PIGB: variants seen among roughly 807,000 people sequenced by gnomAD.
The protein encoded by PIGB is phosphatidylinositol glycan anchor biosynthesis class B.
A neutral mutation model predicts 68.4 loss-of-function variants in PIGB; 58 were observed. That is an observed-to-expected ratio of 0.85 (90% CI 0.69 to 1.06). PIGB has a LOEUF of 1.06. PIGB is among the 50% of genes least tolerant of loss of function. PIGB has a pLI of 0.00. For missense variants in PIGB, 634 were observed against 655.8 expected, an observed-to-expected ratio of 0.97 and a Z score of 0.36; for synonymous variants, 219 against 220.5, an observed-to-expected ratio of 0.99 and a Z score of 0.06.
chr15:55,332,931 A>G (rs1172008417), intron 5 of PIGB, among the ~76,000 whole-genome samples: 2 of 152,186 alleles, frequency 1.3e-5, no homozygotes, highest in Non-Finnish European at 2.9e-5. Context: ...TTGTATGCAT[A>G]TATATTTCAC....
At chr15:55,336,035 T>G (rs1481879423) in intron 6 of PIGB, among the ~76,000 whole-genome samples, 2 of 151,676 alleles carry the variant, frequency 1.3e-5, no homozygotes, top group Non-Finnish European at 2.9e-5. Context: ...TCAAAGTCTG[T>G]GGGGGAAAAA....
At chr15:55,328,004 C>A (rs1350077668) in intron 4 of PIGB, among the ~76,000 whole-genome samples, 1 of 152,204 alleles carries the variant, frequency 6.6e-6, no homozygotes, top group East Asian at 1.9e-4. Flanking sequence ...AACCCTTGTT[C>A]TGTTCCTCTA....
In PIGB at chr15:55,319,264, T is replaced by A; in HGVS notation, c.14T>A (p.Leu5Gln). 6.2e-7 allele frequency: 1 copy of A among 1,607,100 alleles called. No individual in the cohort carries two copies. The highest frequency in any genetic ancestry group is 1.7e-5 in the Admixed American group (1 of 59,048). The change falls in exon 1 of 12, where the codon CTA becomes CAA. Residue 5 changes from leucine (L) to glutamine (Q), a missense_variant. Coordinates refer to ENST00000164305, the MANE Select transcript of PIGB (RefSeq NM_004855.5). Reference protein sequence around the residue: MRRPLSKCGMEPGGG... With the variant: MRRPQSKCGMEPGGG... ...TGGCGGCCAGGGATGAGGAGGCCCC[T>A]AAGCAAGTGCGGAATGGAGCCGGGG...
At chr15:55,346,241 T>C (rs958918225) in intron 9 of PIGB, 4 of 152,232 alleles carry the variant, frequency 2.6e-5, no homozygotes, top group African/African-American at 9.6e-5. Flanking sequence ...TCATGAAGTA[T>C]CTTCTTATAT....
chr15:55,339,143 G>T, intron 6 of PIGB, 124 bp from the exon 7 acceptor site: 2 of 677,260 alleles, frequency 3.0e-6, no homozygotes, highest in Non-Finnish European at 5.2e-6. Context: ...TCTATATTCA[G>T]TTGGTGAAAC....
intron 10 of PIGB, among the ~76,000 whole-genome samples, chr15:55,352,734 G>A (rs745676381): frequency 2.2e-4 from 33 of 152,142 alleles, no homozygotes; most frequent in Non-Finnish European, 3.7e-4. Context: ...TCCAACCTGG[G>A]CGACAGAGCG....
intron 1 of PIGB, 74 bp downstream of exon 1, chr15:55,319,487 A>G: frequency 1.7e-6 from 2 of 1,189,930 alleles, no homozygotes; most frequent in East Asian, 5.5e-5. Flanking sequence ...ATTACCAGCC[A>G]GTTGCCCGTT....
chr15:55,325,081 C>G (rs2055249972), intron 3 of PIGB, among the ~76,000 whole-genome samples: 1 of 152,064 alleles, frequency 6.6e-6, no homozygotes. Context: ...AATCCCAGCA[C>G]TTTGGGAGGG....
At chr15:55,355,189 T>C (rs2056049277) in intron 11 of PIGB, 97 bp from the exon 12 acceptor site, 6 of 1,034,214 alleles carry the variant, frequency 5.8e-6, no homozygotes, top group East Asian at 2.5e-5. Flanking sequence ...AAGCAAAAAG[T>C]TGTAGACAGC....
At position 55,327,176 on chromosome 15, in the gene PIGB, C is replaced by T. The variant is rs572924962; in HGVS notation, c.418-355C>T. ...TGTGTATATATGTCATATATATGCA[C>T]ACATACAGAGAATGAGACTGGTAAA... On this transcript the variant is annotated intron_variant, in intron 3 of 11. Transcript: ENST00000164305. Among the ~76,000 whole-genome samples, 149 of 147,380 alleles carry T rather than the reference C, an allele frequency of 1.0e-3. 1 individual carries two copies. The highest frequency in any genetic ancestry group is 2.3e-3 in the South Asian group (11 of 4,738).
At chr15:55,335,935 TA>T (rs1206928733) in intron 6 of PIGB, among the ~76,000 whole-genome samples, 1 of 152,196 alleles carries the variant, frequency 6.6e-6, no homozygotes, top group East Asian at 1.9e-4. Context: ...AGCATGATAA[TA>T]ACTTATTCAT....
Position 55,340,617 on chromosome 15 carries a change from T to G in PIGB, c.852T>G (p.Thr284=). Residue 284 remains threonine (T), a synonymous_variant, in exon 8 of 12, where the codon ACT becomes ACG. Coordinates refer to ENST00000164305, the MANE Select transcript of PIGB (RefSeq NM_004855.5). The stretch of plus-strand genomic sequence containing the variant: ...TTTTCCTTCAACGGTGCCAGTGGAC[T>G]CTGGTTCAATTTAATTTTTTGAAAT... ...MIDRIFFGQW[T]LVQFNFLKFN... 2 of 1,607,676 alleles carry G rather than the reference T, an allele frequency of 1.2e-6. No individual in the cohort carries two copies. The highest frequency in any genetic ancestry group is 1.7e-6 in the Non-Finnish European group (2 of 1,176,322).
In PIGB at chr15:55,340,730, C is replaced by T. The variant is rs766545229; in HGVS notation, c.965C>T (p.Thr322Ile). ...CAAGGATTTCCAGTTATCTTGGGTA[C>T]TCACTTACCCTTCTTTATTCATGGC... ...FSQGFPVILG[T>I]HLPFFIHGCY... is the part of the protein sequence containing the mutation. Residue 322 changes from threonine to isoleucine, a missense_variant, in exon 8 of 12, where the codon ACT becomes ATT. Physicochemically the swap from Thr to Ile is moderately conservative, Grantham distance 89. Coordinates refer to ENST00000164305, the MANE Select transcript of PIGB (RefSeq NM_004855.5). 1.2e-6 allele frequency: 2 copies of T among 1,610,028 alleles called. No homozygotes were observed. The highest frequency in any genetic ancestry group is 1.7e-6 in the Non-Finnish European group (2 of 1,177,424).
rs538997859 is a variant in PIGB, at chr15:55,334,045, C to G, written c.794+38C>G. On this transcript the variant is annotated intron_variant, in intron 6 of 11. Transcript: ENST00000164305. ...ATAATCCATCCATTTATTTTAGTAG[C>G]CTACAAATCACAGATTACGAACAAG... 188 of 1,442,572 alleles carry G rather than the reference C, an allele frequency of 1.3e-4. 1 individual carries two copies. In the South Asian group the frequency reaches 2.5e-3, roughly 19 times the overall value. 89.4% of individuals were successfully genotyped at this position (1,442,572 alleles called of 1,614,324 possible).
At chr15:55,343,641 C>T (rs1487087175) in intron 9 of PIGB, 1 of 151,748 alleles carries the variant, frequency 6.6e-6, no homozygotes, top group Non-Finnish European at 1.5e-5. Flanking sequence ...AGGGCCTATT[C>T]ACAGTTTATT....
intron 5 of PIGB, among the ~76,000 whole-genome samples, chr15:55,331,089 C>A (rs889496547): frequency 5.3e-5 from 8 of 152,176 alleles, no homozygotes; most frequent in Admixed American, 1.3e-4. Context: ...TGAATCCTGC[C>A]TTAGTCTTCC....
rs1268818194 is a variant in PIGB at position 55,319,394 on chromosome 15, G to A, written c.144G>A (p.Lys48=). The change falls in exon 1 of 12, where the codon AAG becomes AAA. Residue 48 remains lysine, a synonymous_variant. Transcript: ENST00000164305. The part of the protein sequence containing the change: ...KSTLYFNTQE[K]SARRRGDLLG... ...CCTTGTACTTCAACACCCAGGAGAAGAGCGCCAGGCGCCGCGGGGGTGAGT... is the reference window on the plus strand; with the variant it reads ...CCTTGTACTTCAACACCCAGGAGAAAAGCGCCAGGCGCCGCGGGGGTGAGT... The A allele has an allele frequency of 4.5e-6, 7 of 1,552,278 alleles. No homozygotes were observed. The African/African-American group carries it at 8.2e-5, about 18-fold the overall frequency.
chr15:55,348,009 AGAC>A (rs1314693694), intron 9 of PIGB, among the ~76,000 whole-genome samples: 3 of 61,738 alleles, frequency 4.9e-5, no homozygotes, highest in Non-Finnish European at 6.1e-5. Context: ...TTTTTTTTTG[AGAC>A]GACATCTCGC....
At chr15:55,354,707 AC>A (rs1397094583) in intron 10 of PIGB, 90 bp from the exon 11 acceptor site, 4 of 958,918 alleles carry the variant, frequency 4.2e-6, no homozygotes, top group African/African-American at 3.4e-5. Context: ...TTCAGATTTC[AC>A]ATTTTGCTAA....
Sources: gnomAD v4.1 joint callset for allele counts (sites outside exome capture counted in the v4.1 genomes callset) on GRCh38, gnomAD v4.1.1 for gene constraint, MANE v1.5 for transcripts, NCBI Gene and HGNC (gene_info 2026-07-23, HGNC 2026-07-21) for gene names.